The following DYNC2H1 variants were observed in gnomAD, a reference collection of about 807,000 sequenced individuals.
The protein encoded by DYNC2H1 is dynein cytoplasmic 2 heavy chain 1, also known as cytoplasmic dynein 2 heavy chain 1.
In DYNC2H1, 410 loss-of-function variants were observed where a neutral mutation model predicts 570.0. The observed-to-expected ratio is 0.72, with a 90% CI of 0.66 to 0.78. The LOEUF is 0.78. DYNC2H1 is among the 30% of genes least tolerant of loss of function. DYNC2H1 has a pLI of 0.00. For synonymous variants in DYNC2H1, 1,688 were observed against 1,677.6 expected, an observed-to-expected ratio of 1.01 and a Z score of -0.15; for missense variants, 4,865 against 5,046.4, an observed-to-expected ratio of 0.96 and a Z score of 1.09.
intron 83 of DYNC2H1, among the ~76,000 whole-genome samples, chr11:103,378,697 A>G (rs1359444803): frequency 6.6e-6 from 1 of 152,148 alleles, no homozygotes; most frequent in Non-Finnish European, 1.5e-5. Context: ...TCTTTGTGCA[A>G]TAAACATTTC....
At chr11:103,220,217 T>A (rs1229885457) in intron 56 of DYNC2H1, among the ~76,000 whole-genome samples, 189 bp downstream of exon 56, 1 of 152,216 alleles carries the variant, frequency 6.6e-6, no homozygotes, top group African/African-American at 2.4e-5. Flanking sequence ...TAATGGATGA[T>A]AATTAAAAAT....
chr11:103,231,858 C>T (rs12270528), intron 60 of DYNC2H1, among the ~76,000 whole-genome samples: 1 of 151,772 alleles, frequency 6.6e-6, no homozygotes, highest in East Asian at 1.9e-4. Context: ...AATTTTCTCT[C>T]TCTGTGTGTG....
intron 84 of DYNC2H1, chr11:103,403,248 A>C (rs557550995): frequency 5.1e-4 from 78 of 152,152 alleles, no homozygotes; most frequent in African/African-American, 1.8e-3. Flanking sequence ...AGAGGTGAAT[A>C]AATTTTCATT....
At chr11:103,182,283 T>C (rs888754722) in intron 40 of DYNC2H1, among the ~76,000 whole-genome samples, 1 of 150,432 alleles carries the variant, frequency 6.6e-6, no homozygotes, top group Non-Finnish European at 1.5e-5. Flanking sequence ...CACCTATATA[T>C]ACACACCTAT....
intron 13 of DYNC2H1, among the ~76,000 whole-genome samples, chr11:103,131,010 T>C (rs2134757954): frequency 6.6e-6 from 1 of 152,314 alleles, no homozygotes; most frequent in South Asian, 2.1e-4. Context: ...ATAGTAATTA[T>C]TCAGTAAACA....
At chr11:103,418,274 T>G (rs1943359495) in intron 84 of DYNC2H1, among the ~76,000 whole-genome samples, 1 of 152,162 alleles carries the variant, frequency 6.6e-6, no homozygotes, top group African/African-American at 2.4e-5. Context: ...TTACAAAATC[T>G]TAAGGAATCT....
rs1243558049 is a variant in DYNC2H1, at chr11:103,307,712, G to A, written c.11383-9G>A. On this transcript the variant is annotated splice_polypyrimidine_tract_variant and intron_variant, in intron 77 of 88. Transcript: ENST00000375735. Reference sequence around the variant, plus strand: ...TAAGTAAATTTTTGTCATTGGTTTTGTAAACAAGGAATTGAATACTCTTCA... The same window carrying A: ...TAAGTAAATTTTTGTCATTGGTTTTATAAACAAGGAATTGAATACTCTTCA... The A allele has an allele frequency of 6.6e-7, 1 of 1,509,652 alleles. No homozygotes were observed. The highest frequency in any genetic ancestry group is 1.3e-5 in the South Asian group (1 of 74,398). 93.5% of individuals were successfully genotyped at this position (1,509,652 alleles called of 1,614,324 possible). A position where few individuals can be genotyped will look rare whatever the true frequency, so the allele number is the denominator to read the frequency against.
chr11:103,176,377 A>G lies in DYNC2H1; in HGVS notation c.5817A>G (p.Leu1939=), dbSNP rs1861812605. 1 of 1,594,410 alleles carries G rather than the reference A, an allele frequency of 6.3e-7. No individual in the cohort carries two copies. Among genetic ancestry groups the G allele is most frequent in the African/African-American group, 1.3e-5 (1 of 74,312 alleles). Residue 1939 remains leucine, a synonymous_variant, in exon 37 of 89, where the codon CTA becomes CTG. Coordinates refer to ENST00000375735, the MANE Select transcript of DYNC2H1 (RefSeq NM_001377.3). The part of the protein sequence containing the change: ...IELKEVEYDE[L]SAALKQVFEE... ...TGAAAGAAGTGGAATATGATGAACT[A>G]AGTGCTGCATTAAAGCAGGTCTTTG...
rs1309640087 is a variant in DYNC2H1, at chr11:103,311,997, T to C, written c.11613T>C (p.His3871=). The C allele has an allele frequency of 1.2e-6, 2 of 1,612,976 alleles. No homozygotes were observed. Among genetic ancestry groups the C allele is most frequent in the Non-Finnish European group, 1.7e-6 (2 of 1,179,584 alleles). The change falls in exon 79 of 89, where the codon CAT becomes CAC. Residue 3871 remains histidine (H), a synonymous_variant. Transcript: ENST00000375735. Reference sequence around the variant, plus strand: ...CTCTCTTCAGTCTTGCATGGTTTCATGCTGCATGTCAAGAAAGAAGAAACT... The same window carrying C: ...CTCTCTTCAGTCTTGCATGGTTTCACGCTGCATGTCAAGAAAGAAGAAACT... ...AHALFSLAWF[H]AACQERRNYI...
At chr11:103,399,437 G>A (rs1001550532) in intron 83 of DYNC2H1, among the ~76,000 whole-genome samples, 1 of 151,386 alleles carries the variant, frequency 6.6e-6, no homozygotes, top group African/African-American at 2.4e-5. Flanking sequence ...ATTACAGATG[G>A]GAGCCACCGC....
intron 82 of DYNC2H1, among the ~76,000 whole-genome samples, chr11:103,339,439 G>A (rs1214633447): frequency 6.6e-6 from 1 of 152,200 alleles, no homozygotes; most frequent in African/African-American, 2.4e-5. Flanking sequence ...ATTCCCTTCT[G>A]GCCCTGGGTG....
chr11:103,110,475 C>T (rs973083498), intron 1 of DYNC2H1, among the ~76,000 whole-genome samples: 2 of 151,376 alleles, frequency 1.3e-5, no homozygotes, highest in African/African-American at 4.9e-5. Flanking sequence ...TTAACATTGC[C>T]CAAGGGAAAG....
chr11:103,456,140 A>G (rs999249410), intron 86 of DYNC2H1, 135 bp from the exon 87 acceptor site: 2 of 602,500 alleles, frequency 3.3e-6, no homozygotes, highest in East Asian at 3.0e-5. Flanking sequence ...CATATTATGC[A>G]TAGTTTAATG....
Position 103,204,939 on chromosome 11 carries a change from G to T in DYNC2H1, c.8429G>T (p.Gly2810Val). Reference sequence around the variant, plus strand: ...AAATGCCAGGTGTTGTGGATGGAGGGTTGGTCCAATAGCAGTATGAAGAAA... The same window carrying T: ...AAATGCCAGGTGTTGTGGATGGAGGTTTGGTCCAATAGCAGTATGAAGAAA... ...HKKCQVLWME[G>V]WSNSSMKKIP... is the part of the protein sequence containing the mutation. Residue 2810 changes from glycine to valine, a missense_variant, in exon 52 of 89, where the codon GGT becomes GTT. Coordinates refer to ENST00000375735, the MANE Select transcript of DYNC2H1 (RefSeq NM_001377.3). The surrounding 1 kb of genome is among the most constrained non-coding windows in gnomAD (Gnocchi z 4.1). The T allele has an allele frequency of 1.9e-6, 3 of 1,590,740 alleles. No individual in the cohort carries two copies. The highest frequency in any genetic ancestry group is 2.6e-6 in the Non-Finnish European group (3 of 1,167,278).
At chr11:103,208,309 T>G (rs1863016991) in intron 52 of DYNC2H1, among the ~76,000 whole-genome samples, 1 of 152,074 alleles carries the variant, frequency 6.6e-6, no homozygotes, top group Non-Finnish European at 1.5e-5. Flanking sequence ...CTAAAATTAT[T>G]TGTGGAATGA....
chr11:103,170,012 C>A lies in DYNC2H1; in HGVS notation c.4969-96C>A. On this transcript the variant is annotated intron_variant, in intron 32 of 88. Transcript: ENST00000375735. This position sits in a 1 kb window ranked among gnomAD's most constrained non-coding sequence, Gnocchi z 4.8. ...GTTAAAAACTTTAACCTGTTTGTTG[C>A]ATTTTTATCTTTTTAACTACAATCT... 2 of 1,183,056 alleles carry A rather than the reference C, an allele frequency of 1.7e-6. No homozygotes were observed. Among genetic ancestry groups the A allele is most frequent in the South Asian group, 2.2e-5 (1 of 44,566 alleles). 73.3% of individuals were successfully genotyped at this position (1,183,056 alleles called of 1,614,324 possible).
chr11:103,380,311 C>T (rs756691476), intron 83 of DYNC2H1, among the ~76,000 whole-genome samples: 1 of 152,034 alleles, frequency 6.6e-6, no homozygotes, highest in South Asian at 2.1e-4. Flanking sequence ...TAACCACTTC[C>T]CTCTCCAGTC....
In DYNC2H1 at chr11:103,394,862, G is replaced by T. The variant is rs367592155; in HGVS notation, c.12157-4801G>T. Among the ~76,000 whole-genome samples the T allele has an allele frequency of 2.6e-5, 4 of 151,992 alleles. No homozygotes were observed. The East Asian group carries it at 7.8e-4, about 30-fold the overall frequency. ...TCCAAGCTCTGTCCACTAATAACTG[G>T]CTTTTGGTACAGTAAGGCAGCCAGC... On this transcript the variant is annotated intron_variant, in intron 83 of 88. Transcript: ENST00000375735.
At chr11:103,377,522 CTT>C (rs1415507500) in intron 83 of DYNC2H1, among the ~76,000 whole-genome samples, 6 of 151,754 alleles carry the variant, frequency 4.0e-5, no homozygotes, top group Admixed American at 6.6e-5. Context: ...ACTTTTTAAT[CTT>C]TTGATTATAA....
Sources: allele counts gnomAD v4.1 joint callset (sites outside exome capture counted in the v4.1 genomes callset), GRCh38; gene constraint gnomAD v4.1.1; non-coding constraint Gnocchi (gnomAD v3.1); transcripts MANE v1.5; gene names NCBI Gene and HGNC (gene_info 2026-07-23, HGNC 2026-07-21).